Variants in HTR5A observed in about 807,000 individuals in gnomAD.
HTR5A encodes 5-hydroxytryptamine receptor 5A.
In HTR5A, 21 loss-of-function variants were observed where a neutral mutation model predicts 24.3. The observed-to-expected ratio is 0.86, with a 90% CI of 0.61 to 1.24. The LOEUF is 1.24. HTR5A is among the 50% of genes most tolerant of loss of function. HTR5A has a pLI of 0.00. For missense variants in HTR5A, 497 were observed against 489.5 expected (o/e 1.02, Z -0.15); for synonymous variants, 260 against 213.7 (o/e 1.22, Z -1.89).
chr7:155,075,714 T>G (rs73729516), intron 1 of HTR5A, among the ~76,000 whole-genome samples: 4,447 of 152,278 alleles, frequency 0.029, 195 homozygotes, highest in African/African-American at 0.1. Context: ...GGTAAACTCT[T>G]CCATGACTGG....
Position 155,086,219 on chromosome 7 carries a change from T to G in HTR5A, c.*1732T>G, listed in dbSNP as rs1404305682. 2.0e-5 allele frequency among the ~76,000 whole-genome samples: 3 copies of G among 152,252 alleles called. No homozygotes were observed. The highest frequency in any genetic ancestry group is 2.0e-4 in the Admixed American group (3 of 15,286). On this transcript the variant is annotated 3_prime_UTR_variant, in exon 2 of 2. Transcript: ENST00000287907. ...AGGGAAGGGAAGTGTTTGAAAAACCTTATTAAGTACCCCATGGCAGAGAAG... is the reference window on the plus strand; with the variant it reads ...AGGGAAGGGAAGTGTTTGAAAAACCGTATTAAGTACCCCATGGCAGAGAAG...
At chr7:155,079,480 A>G (rs571839639) in intron 1 of HTR5A, among the ~76,000 whole-genome samples, 1 of 152,162 alleles carries the variant, frequency 6.6e-6, no homozygotes, top group Admixed American at 6.5e-5. Context: ...CTTAGTTAGG[A>G]TTTTCTTTTA....
chr7:155,070,765 C>T lies in HTR5A; in HGVS notation c.-135C>T, dbSNP rs980791952. Reference sequence around the variant, plus strand: ...ACTAGCAGGAAATTGGGGCCAAATTCACAGGCACTTTCCAGAAACTCCCCC... The same window carrying T: ...ACTAGCAGGAAATTGGGGCCAAATTTACAGGCACTTTCCAGAAACTCCCCC... On this transcript the variant is annotated 5_prime_UTR_variant, in exon 1 of 2. Coordinates refer to ENST00000287907, the MANE Select transcript of HTR5A (RefSeq NM_024012.4). The T allele has an allele frequency of 2.5e-5, 24 of 957,686 alleles. No individual in the cohort carries two copies. The African/African-American group carries it at 3.8e-4, about 15-fold the overall frequency. The allele number at this position is 957,686 out of a possible 1,614,324, so 59.3% of individuals were successfully genotyped here.
At chr7:155,072,712 G>A (rs1795310817) in intron 1 of HTR5A, among the ~76,000 whole-genome samples, 1 of 152,190 alleles carries the variant, frequency 6.6e-6, no homozygotes, top group Admixed American at 6.5e-5. Context: ...TGGGTTTGGT[G>A]CAAGAGGTAA....
Position 155,085,732 on chromosome 7 carries a change from A to G in HTR5A, c.*1245A>G, listed in dbSNP as rs997590840. 1.3e-5 allele frequency: 2 copies of G among 152,234 alleles called. No individual in the cohort carries two copies. Among genetic ancestry groups the G allele is most frequent in the East Asian group, 1.9e-4 (1 of 5,202 alleles). The allele number at this position is 152,234 out of a possible 1,614,324, so 9.4% of individuals were successfully genotyped here. On this transcript the variant is annotated 3_prime_UTR_variant, in exon 2 of 2. Coordinates refer to ENST00000287907, the MANE Select transcript of HTR5A (RefSeq NM_024012.4). ...ACTCTTCAAATGCATGAATTAAAGA[A>G]TGATATAATAATCTCTGAATTATTG...
In HTR5A at chr7:155,084,185, G is replaced by T. The variant is rs1272048729; in HGVS notation, c.772G>T (p.Val258Leu). 2.5e-6 allele frequency: 4 copies of T among 1,612,438 alleles called. No homozygotes were observed. Among genetic ancestry groups the T allele is most frequent in the South Asian group, 1.1e-5 (1 of 90,934 alleles). ...GGACTCTGCCAAACAGCCCCAGATG[G>T]TGTTCACGGTCCGCCACGCCACCGT... ...VKDSAKQPQMVFTVRHATVTF... is the reference protein window; with the variant it reads ...VKDSAKQPQMLFTVRHATVTF... Residue 258 changes from valine (V) to leucine (L), a missense_variant, in exon 2 of 2, where the codon GTG becomes TTG. Val to Leu is a conservative substitution (Grantham distance 32). Coordinates refer to ENST00000287907, the MANE Select transcript of HTR5A (RefSeq NM_024012.4).
Position 155,071,570 on chromosome 7 carries a change from A to T in HTR5A, c.671A>T (p.Tyr224Phe). 1 of 1,614,192 alleles carries T rather than the reference A, an allele frequency of 6.2e-7. No homozygotes were observed. Among genetic ancestry groups the T allele is most frequent in the East Asian group, 2.2e-5 (1 of 44,878 alleles). ...CVVLFVYWKI[Y>F]KAAKFRVGSR... The stretch of plus-strand genomic sequence containing the variant: ...GTGCTCTTCGTGTACTGGAAGATCT[A>T]CAAGGCTGCCAAGTTCCGCGTGGGC... The change falls in exon 1 of 2, where the codon TAC (tyrosine) becomes TTC (phenylalanine). Residue 224 changes from tyrosine (Y) to phenylalanine (F), a missense_variant. By Grantham distance (22) the Tyr-to-Phe change is conservative. Coordinates refer to ENST00000287907, the MANE Select transcript of HTR5A (RefSeq NM_024012.4).
intron 1 of HTR5A, among the ~76,000 whole-genome samples, chr7:155,071,937 AT>A (rs1212512554): frequency 6.6e-6 from 1 of 152,086 alleles, no homozygotes; most frequent in African/African-American, 2.4e-5. Context: ...CCCAAATTCT[AT>A]GGATCTATAA....
chr7:155,070,865 C>T lies in HTR5A; in HGVS notation c.-35C>T. On this transcript the variant is annotated 5_prime_UTR_variant, in exon 1 of 2. Coordinates refer to ENST00000287907, the MANE Select transcript of HTR5A (RefSeq NM_024012.4). ...CCTTAAGTCCTCCTGAACACCCCTT[C>T]TGCAAGTACCCCAGGGCGGTCTCCT... The T allele has an allele frequency of 6.4e-7, 1 of 1,567,492 alleles. No homozygotes were observed. The highest frequency in any genetic ancestry group is 1.7e-5 in the Admixed American group (1 of 58,146).
rs1795455860 is a variant in HTR5A, at chr7:155,084,601, C to A, written c.*114C>A. On this transcript the variant is annotated 3_prime_UTR_variant, in exon 2 of 2. Coordinates refer to ENST00000287907, the MANE Select transcript of HTR5A (RefSeq NM_024012.4). ...GTGGACGGGATGAATCCTCACCATTCTCCAGGGTCATCTTCAGAACTGCAC... is the reference window on the plus strand; with the variant it reads ...GTGGACGGGATGAATCCTCACCATTATCCAGGGTCATCTTCAGAACTGCAC... The A allele has an allele frequency of 3.5e-6, 3 of 856,560 alleles. No homozygotes were observed. Among genetic ancestry groups the A allele is most frequent in the Non-Finnish European group, 5.5e-6 (3 of 550,334 alleles). 53.1% of individuals were successfully genotyped at this position (856,560 alleles called of 1,614,324 possible). A position where few individuals can be genotyped will look rare whatever the true frequency, so the allele number is the denominator to read the frequency against.
At chr7:155,074,374 G>C (rs1194771520) in intron 1 of HTR5A, among the ~76,000 whole-genome samples, 2 of 152,192 alleles carry the variant, frequency 1.3e-5, no homozygotes, top group African/African-American at 2.4e-5. Context: ...GGGCTGTGCT[G>C]TCTAGGCACA....
rs1176341063 is a variant in HTR5A, at chr7:155,086,216, A to G, written c.*1729A>G. On this transcript the variant is annotated 3_prime_UTR_variant, in exon 2 of 2. Coordinates refer to ENST00000287907, the MANE Select transcript of HTR5A (RefSeq NM_024012.4). ...ATAAGGGAAGGGAAGTGTTTGAAAA[A>G]CCTTATTAAGTACCCCATGGCAGAG... is the stretch of plus-strand genomic sequence containing the variant. Among the ~76,000 whole-genome samples the G allele has an allele frequency of 6.6e-6, 1 of 152,336 alleles. No individual in the cohort carries two copies. The highest frequency in any genetic ancestry group is 1.5e-5 in the Non-Finnish European group (1 of 68,018).
chr7:155,082,984 T>G (rs555625819), intron 1 of HTR5A, among the ~76,000 whole-genome samples: 1 of 152,344 alleles, frequency 6.6e-6, no homozygotes, highest in Admixed American at 6.5e-5. Context: ...TATACTGTTT[T>G]GCAAATAAAT....
chr7:155,075,274 T>C (rs1290398247), intron 1 of HTR5A, among the ~76,000 whole-genome samples: 2 of 30,788 alleles, frequency 6.5e-5, no homozygotes, highest in African/African-American at 7.1e-5. Flanking sequence ...ACCACTGTTT[T>C]TGGTCCTCTT....
intron 1 of HTR5A, among the ~76,000 whole-genome samples, chr7:155,072,955 T>A (rs1450812395): frequency 6.6e-6 from 1 of 152,076 alleles, no homozygotes; most frequent in East Asian, 1.9e-4. Context: ...TTTACCTATA[T>A]CAGCATTTCT....
intron 1 of HTR5A, among the ~76,000 whole-genome samples, chr7:155,080,462 G>C (rs932117375): frequency 6.6e-6 from 1 of 152,212 alleles, no homozygotes; most frequent in African/African-American, 2.4e-5. Context: ...TGGACACAAA[G>C]GGCAATTGAG....
intron 1 of HTR5A, among the ~76,000 whole-genome samples, chr7:155,081,146 A>G (rs542377919): frequency 2.7e-4 from 41 of 152,244 alleles, no homozygotes; most frequent in African/African-American, 8.9e-4. Context: ...TAGCTTAAAC[A>G]TTTTTATTGT....
At chr7:155,072,670 G>A (rs1158057031) in intron 1 of HTR5A, among the ~76,000 whole-genome samples, 1 of 152,206 alleles carries the variant, frequency 6.6e-6, no homozygotes, top group East Asian at 1.9e-4. Context: ...AAACAAGAAA[G>A]TAGTTTAAGG....
chr7:155,084,529 A>C lies in HTR5A; in HGVS notation c.*42A>C, dbSNP rs760998533. 8.1e-6 allele frequency: 12 copies of C among 1,481,282 alleles called. No homozygotes were observed. In the South Asian group the frequency reaches 1.5e-4, roughly 19 times the overall value. 91.8% of individuals were successfully genotyped at this position (1,481,282 alleles called of 1,614,324 possible). ...TGAAAAAAGTTTCTTCCCATAATTC[A>C]GTGGAATTCCCAGTTCATCCATTTC... On this transcript the variant is annotated 3_prime_UTR_variant, in exon 2 of 2. Coordinates refer to ENST00000287907, the MANE Select transcript of HTR5A (RefSeq NM_024012.4).
Sources: gnomAD v4.1 joint callset for allele counts (sites outside exome capture counted in the v4.1 genomes callset) on GRCh38, gnomAD v4.1.1 for gene constraint, MANE v1.5 for transcripts, NCBI Gene and HGNC (gene_info 2026-07-23, HGNC 2026-07-21) for gene names.